Variants in SDC2 observed in about 807,000 individuals in gnomAD.
SDC2 encodes syndecan-2.
A neutral mutation model predicts 22.2 loss-of-function variants in SDC2; 13 were observed. That is an observed-to-expected ratio of 0.59 (90% CI 0.38 to 0.93). The LOEUF (loss-of-function observed/expected upper bound fraction) is 0.93, where lower values mean the gene tolerates loss of function less well. SDC2 is among the 40% of genes least tolerant of loss of function. The probability of loss-of-function intolerance (pLI) is 0.00; values close to 1 mark genes in which losing one functional copy is unlikely to be tolerated. For missense variants in SDC2, 235 were observed against 246.8 expected, an observed-to-expected ratio of 0.95 and a Z score of 0.32; for synonymous variants, 94 against 92.8, an observed-to-expected ratio of 1.01 and a Z score of -0.07.
intron 1 of SDC2, among the ~76,000 whole-genome samples, chr8:96,502,117 C>T (rs1485862654): frequency 6.6e-6 from 1 of 152,162 alleles, no homozygotes; most frequent in Non-Finnish European, 1.5e-5. Context: ...TTGATGGACT[C>T]ACAGTTCCAC....
intron 1 of SDC2, among the ~76,000 whole-genome samples, chr8:96,572,722 A>G (rs1444574): frequency 0.92 from 139,572 of 152,260 alleles, 64,215 homozygotes; most frequent in Non-Finnish European, 0.96. Flanking sequence ...GTCCATTTCT[A>G]TAGGATCACT....
intron 1 of SDC2, among the ~76,000 whole-genome samples, chr8:96,518,093 A>G (rs1247461166): frequency 6.6e-6 from 1 of 152,114 alleles, no homozygotes; most frequent in African/African-American, 2.4e-5. Flanking sequence ...TCCTTGGCCT[A>G]GCCCTGACAG....
intron 2 of SDC2, among the ~76,000 whole-genome samples, chr8:96,593,928 T>A (rs1814828917): frequency 6.6e-6 from 1 of 152,210 alleles, no homozygotes; most frequent in Non-Finnish European, 1.5e-5. Context: ...CATTAGCTTT[T>A]AATCGTATTA....
chr8:96,583,896 C>T (rs1321865038), intron 1 of SDC2, among the ~76,000 whole-genome samples: 4 of 151,310 alleles, frequency 2.6e-5, no homozygotes, highest in African/African-American at 7.4e-5. Context: ...AGACATAGTA[C>T]ACCCCTGTAG....
At chr8:96,576,693 A>G (rs1814510578) in intron 1 of SDC2, among the ~76,000 whole-genome samples, 1 of 151,362 alleles carries the variant, frequency 6.6e-6, no homozygotes, top group Non-Finnish European at 1.5e-5. Flanking sequence ...TGTTGGGATT[A>G]CAGGCGTGAG....
intron 1 of SDC2, among the ~76,000 whole-genome samples, chr8:96,575,394 G>C (rs1424266297): frequency 7.0e-6 from 1 of 142,532 alleles, no homozygotes; most frequent in African/African-American, 2.6e-5. Flanking sequence ...GGGTGGGGTG[G>C]TGGCGGGGAG....
intron 1 of SDC2, among the ~76,000 whole-genome samples, chr8:96,564,361 A>G (rs1038307256): frequency 2.6e-5 from 4 of 152,126 alleles, no homozygotes; most frequent in Non-Finnish European, 4.4e-5. Context: ...TTGCAGGGGG[A>G]TGGGATGTCC....
chr8:96,550,310 T>G (rs1350627433), intron 1 of SDC2, among the ~76,000 whole-genome samples: 2 of 152,172 alleles, frequency 1.3e-5, no homozygotes, highest in African/African-American at 4.8e-5. Context: ...GGGAGCATTT[T>G]GGGTCTTGGA....
At chr8:96,540,464 C>A (rs1308509928) in intron 1 of SDC2, among the ~76,000 whole-genome samples, 1 of 93,824 alleles carries the variant, frequency 1.1e-5, no homozygotes, top group Non-Finnish European at 3.0e-5. Flanking sequence ...GAGCCAAGAT[C>A]CGAGCTACTG....
intron 1 of SDC2, among the ~76,000 whole-genome samples, chr8:96,528,362 A>G (rs1813610363): frequency 6.6e-6 from 1 of 152,220 alleles, no homozygotes; most frequent in Non-Finnish European, 1.5e-5. Flanking sequence ...CAAATAACTA[A>G]TAATGATCAC....
intron 1 of SDC2, among the ~76,000 whole-genome samples, chr8:96,495,672 TC>T (rs1254016079): frequency 6.6e-6 from 1 of 152,152 alleles, no homozygotes; most frequent in South Asian, 2.1e-4. Context: ...TGAGTCTCCC[TC>T]CCCCCCTTTT....
rs1036818577 is a variant in SDC2 at position 96,531,365 on chromosome 8, A to G, written c.60+37034A>G. Among the ~76,000 whole-genome samples, 15 of 152,298 alleles carry G rather than the reference A, an allele frequency of 9.8e-5. 1 individual carries two copies. The South Asian group carries it at 1.2e-3, about 13-fold the overall frequency. On this transcript the variant is annotated intron_variant, in intron 1 of 4. Transcript: ENST00000302190. The stretch of plus-strand genomic sequence containing the variant: ...AAAAGGTTTACCTCTGCCATATTGT[A>G]TATGGAGAAGTATGATTAATATTAG...
intron 3 of SDC2, among the ~76,000 whole-genome samples, chr8:96,603,973 A>G (rs2130656362): frequency 6.6e-6 from 1 of 152,340 alleles, no homozygotes; most frequent in African/African-American, 2.4e-5. Flanking sequence ...AGAAATGAAA[A>G]GTGCAGGTGC....
intron 1 of SDC2, among the ~76,000 whole-genome samples, chr8:96,524,710 C>A (rs1293785966): frequency 6.6e-6 from 1 of 152,152 alleles, no homozygotes; most frequent in Admixed American, 6.5e-5. Flanking sequence ...ATGCTGAAGT[C>A]ATATTTAGAA....
At chr8:96,511,504 A>G (rs1041478056) in intron 1 of SDC2, among the ~76,000 whole-genome samples, 5 of 152,198 alleles carry the variant, frequency 3.3e-5, no homozygotes, top group Non-Finnish European at 7.3e-5. Context: ...TTTCCTTTGT[A>G]GAAGCCAGCC....
At chr8:96,525,959 T>C (rs1172147284) in intron 1 of SDC2, among the ~76,000 whole-genome samples, 2 of 152,142 alleles carry the variant, frequency 1.3e-5, no homozygotes, top group Non-Finnish European at 2.9e-5. Context: ...GGGGTAGGCA[T>C]CATTGACCTG....
At chr8:96,580,596 A>G in intron 1 of SDC2, 1 of 880,828 alleles carries the variant, frequency 1.1e-6, no homozygotes, top group Non-Finnish European at 1.4e-6. Context: ...AGTTAAATCT[A>G]TTAAATATTA....
rs572212946 is a variant in SDC2, at chr8:96,576,196, C to T, written c.61-17284C>T. The stretch of plus-strand genomic sequence containing the variant: ...CTCATTCTTGTACCTGGTATGAAGG[C>T]GGTACTTTCTGGTCCCATTAGTGAT... On this transcript the variant is annotated intron_variant, in intron 1 of 4. Coordinates refer to ENST00000302190, the MANE Select transcript of SDC2 (RefSeq NM_002998.4). Among the ~76,000 whole-genome samples, 9 of 151,954 alleles carry T rather than the reference C, an allele frequency of 5.9e-5. No homozygotes were observed. The South Asian group carries it at 1.7e-3, about 28-fold the overall frequency.
At chr8:96,549,069 C>G (rs1813983087) in intron 1 of SDC2, among the ~76,000 whole-genome samples, 1 of 152,124 alleles carries the variant, frequency 6.6e-6, no homozygotes, top group African/African-American at 2.4e-5. Context: ...TACCTTTTGT[C>G]TCTTGTATAG....
Sources: allele counts gnomAD v4.1 joint callset (sites outside exome capture counted in the v4.1 genomes callset), GRCh38; gene constraint gnomAD v4.1.1; transcripts MANE v1.5; gene names NCBI Gene and HGNC (gene_info 2026-07-23, HGNC 2026-07-21).